The following HNRNPK variants were observed in gnomAD, a reference collection of about 807,000 sequenced individuals.
HNRNPK encodes the protein dC-stretch binding protein.
Under a neutral mutation model 67.0 loss-of-function variants are expected in HNRNPK, and 7 were observed. That is an observed-to-expected ratio of 0.10 (90% confidence interval 0.06 to 0.20). The LOEUF is 0.20. Ranked by LOEUF, HNRNPK falls within the 10% of genes least tolerant of loss-of-function variation. HNRNPK has a pLI of 1.00. For synonymous variants in HNRNPK, 213 were observed against 193.7 expected (o/e 1.10, Z -0.83); for missense variants, 264 against 606.5 (o/e 0.44, Z 5.93).
At chr9:83,969,665 G>A in intron 16 of HNRNPK, 1 of 611,368 alleles carries the variant, frequency 1.6e-6, no homozygotes, top group Non-Finnish European at 3.0e-6. Context: ...AAACGGAATT[G>A]AAAGTTGTTA....
chr9:83,978,880 T>TA (rs1339732142), intron 1 of HNRNPK, among the ~76,000 whole-genome samples: 58 of 152,344 alleles, frequency 3.8e-4, no homozygotes, highest in African/African-American at 1.1e-3. Flanking sequence ...GTGACATCTC[T>TA]AAAGTTTACA....
rs1295767969 is a variant in HNRNPK at position 83,974,722 on chromosome 9, A to G, written c.258-133T>C. 2.2e-5 allele frequency: 14 copies of G among 628,864 alleles called. No homozygotes were observed. The Admixed American group carries it at 3.7e-4, about 17-fold the overall frequency. 39.0% of individuals were successfully genotyped at this position (628,864 alleles called of 1,614,324 possible). A position where few individuals can be genotyped will look rare whatever the true frequency, so the allele number is the denominator to read the frequency against. ...TTATTTAATATTCCCCATTTAAAGT[A>G]GCCTATTTATAGATTTCTCACATGC... On this transcript the variant is annotated intron_variant, in intron 6 of 16. Transcript: ENST00000376263.
chr9:83,970,946 T>A (rs1454561021), intron 13 of HNRNPK, 34 bp from the exon 14 acceptor site: 1 of 1,603,180 alleles, frequency 6.2e-7, no homozygotes. Context: ...GAAAATTACT[T>A]TGCCGTTGTA....
At chr9:83,973,773 G>A in intron 8 of HNRNPK, 129 bp downstream of exon 8, 1 of 674,140 alleles carries the variant, frequency 1.5e-6, no homozygotes, top group Non-Finnish European at 2.6e-6. Context: ...TGAGTTGTAA[G>A]ACCATTCATG....
chr9:83,971,381 T>C (rs761745532), intron 12 of HNRNPK, 25 bp from the exon 13 acceptor site: 2 of 1,459,742 alleles, frequency 1.4e-6, no homozygotes, highest in Non-Finnish European at 1.9e-6. Context: ...AACATTAACA[T>C]GAACCCGCAT....
At chr9:83,970,873 G>GAC (rs1956799461) in intron 14 of HNRNPK, 24 bp downstream of exon 14, 2 of 1,610,820 alleles carry the variant, frequency 1.2e-6, no homozygotes, top group Non-Finnish European at 1.7e-6. Flanking sequence ...ATTAATGTTT[G>GAC]ACTTCACAAA....
In HNRNPK at chr9:83,972,825, A is replaced by C; in HGVS notation, c.645+19T>G. The C allele has an allele frequency of 6.4e-7, 1 of 1,563,194 alleles. No individual in the cohort carries two copies. The highest frequency in any genetic ancestry group is 1.2e-5 in the South Asian group (1 of 83,880). On this transcript the variant is annotated intron_variant, in intron 10 of 16. Coordinates refer to ENST00000376263, the MANE Select transcript of HNRNPK (RefSeq NM_031263.4). ...TTGTTTCATAAAATCAAATGTAAAC[A>C]AAAAGTGTTCTGAAGTACCTCAGAT...
chr9:83,974,588 T>C lies in HNRNPK; in HGVS notation c.259A>G (p.Ile87Val), dbSNP rs1382108326. ...TCAATATCAGCACTGATACTCAATA[T>C]GCTGTCAAACACCACAAATACCAGA... Reference protein sequence around the residue: ...SVPDSSGPERILSISADIETI... With the variant: ...SVPDSSGPERVLSISADIETI... Residue 87 changes from isoleucine (I) to valine (V), a missense_variant and splice_region_variant, in exon 7 of 17, where the codon ATA becomes GTA. Ile to Val is a conservative substitution (Grantham distance 29). This residue lies in a region of HNRNPK where 39 missense variants were observed against 54.4 expected (regional missense o/e 0.72). Coordinates refer to ENST00000376263, the MANE Select transcript of HNRNPK (RefSeq NM_031263.4). 1 of 1,600,256 alleles carries C rather than the reference T, an allele frequency of 6.2e-7. No individual in the cohort carries two copies. The highest frequency in any genetic ancestry group is 2.2e-5 in the East Asian group (1 of 44,738).
chr9:83,971,863 A>T lies in HNRNPK; in HGVS notation c.953+19T>A. Reference sequence around the variant, plus strand: ...AGATGGGGGAAGAAAAAACAACAACAACAAAAAAAACAACTTACCCCCCTC... The same window carrying T: ...AGATGGGGGAAGAAAAAACAACAACTACAAAAAAAACAACTTACCCCCCTC... On this transcript the variant is annotated intron_variant, in intron 11 of 16. Transcript: ENST00000376263. 1 of 1,554,974 alleles carries T rather than the reference A, an allele frequency of 6.4e-7. No homozygotes were observed. Among genetic ancestry groups the T allele is most frequent in the Non-Finnish European group, 8.7e-7 (1 of 1,153,018 alleles).
At chr9:83,974,058 A>G (rs1056643946) in intron 7 of HNRNPK, 85 bp from the exon 8 acceptor site, 2 of 764,126 alleles carry the variant, frequency 2.6e-6, no homozygotes, top group Non-Finnish European at 4.4e-6. Flanking sequence ...CTACTACAAC[A>G]TATTTTAAAT....
At chr9:83,971,034 C>G (rs955411944) in intron 13 of HNRNPK, 122 bp from the exon 14 acceptor site, 1 of 983,210 alleles carries the variant, frequency 1.0e-6, no homozygotes, top group Non-Finnish European at 1.6e-6. Flanking sequence ...CTCAAACTCT[C>G]GGGCTCAAGT....
At chr9:83,971,224 G>C in intron 13 of HNRNPK, 49 bp downstream of exon 13, 1 of 1,194,552 alleles carries the variant, frequency 8.4e-7, no homozygotes. Flanking sequence ...GAGCAGGTAA[G>C]CATCTTAAAT....
At chr9:83,974,423 T>C in intron 7 of HNRNPK, 94 bp downstream of exon 7, 1 of 604,942 alleles carries the variant, frequency 1.7e-6, no homozygotes, top group Non-Finnish European at 2.9e-6. Flanking sequence ...TCATATCCAT[T>C]GTCTCTCCAC....
intron 6 of HNRNPK, 97 bp from the exon 7 acceptor site, chr9:83,974,686 G>GT: frequency 2.7e-6 from 2 of 748,546 alleles, no homozygotes; most frequent in South Asian, 3.2e-5. Flanking sequence ...TCACAGAGAT[G>GT]TAACACATGA....
At position 83,971,355 on chromosome 9, in the gene HNRNPK, A is replaced by G; in HGVS notation, c.1010T>C (p.Val337Ala). 1 of 1,600,148 alleles carries G rather than the reference A, an allele frequency of 6.2e-7. No individual in the cohort carries two copies. The highest frequency in any genetic ancestry group is 8.6e-7 in the Non-Finnish European group (1 of 1,167,340). The change falls in exon 13 of 17, where the codon GTT (valine) becomes GCT (alanine). Residue 337 changes from valine to alanine, a missense_variant and splice_region_variant. Around this residue, in one of 6 missense-constraint regions of HNRNPK, gnomAD observed 142 missense variants for 256.5 expected, o/e 0.55. Transcript: ENST00000376263. ...CCAAGTTTCATCAGCACTGAAACCA[A>G]CCTGTTAGAGATAAAAACATTAACA... is the stretch of plus-strand genomic sequence containing the variant. Reference protein sequence around the residue: ...GRPGDRYDGMVGFSADETWDS... With the variant: ...GRPGDRYDGMAGFSADETWDS...
At chr9:83,976,744 G>C (rs1032959986) in intron 5 of HNRNPK, 1 of 349,572 alleles carries the variant, frequency 2.9e-6, no homozygotes, top group Non-Finnish European at 5.1e-6. Context: ...CTTGCTTGAT[G>C]AAGTGAATAA....
chr9:83,971,931 T>C lies in HNRNPK; in HGVS notation c.904A>G (p.Ser302Gly), dbSNP rs1329106171. The C allele has an allele frequency of 5.0e-6, 8 of 1,586,486 alleles. No homozygotes were observed. The highest frequency in any genetic ancestry group is 5.2e-6 in the Non-Finnish European group (6 of 1,164,208). ...PPPGRGGRGG[S>G]RARNLPLPPP... ...GGAAGAGGAAGATTCCGAGCTCTGC[T>C]ACCACCCCGGCCGCCTCGTCCGGGA... Residue 302 changes from serine to glycine, a missense_variant, in exon 11 of 17, where the codon AGC becomes GGC. By Grantham distance (56) the Ser-to-Gly change is moderately conservative (BLOSUM62 0). Coordinates refer to ENST00000376263, the MANE Select transcript of HNRNPK (RefSeq NM_031263.4).
chr9:83,977,881 T>G, intron 3 of HNRNPK, 95 bp from the exon 4 acceptor site: 1 of 790,202 alleles, frequency 1.3e-6, no homozygotes, highest in South Asian at 1.6e-5. Context: ...CTTAGGCATG[T>G]TTTGAAAAGA....
rs758182685 is a variant in HNRNPK, at chr9:83,972,852, T to A, written c.637A>T (p.Ile213Leu). The change falls in exon 10 of 17, where the codon ATA (isoleucine) becomes TTA (leucine). Residue 213 changes from isoleucine to leucine, a missense_variant. Physicochemically the swap from Ile to Leu is conservative, Grantham distance 5 (BLOSUM62 2). Transcript: ENST00000376263. ...AAAGTGTTCTGAAGTACCTCAGATA[T>A]AAGATCAAGGATGATCTTTATGCAC... ...VECIKIILDL[I>L]SESPIKGRAQ... 6.3e-7 allele frequency: 1 copy of A among 1,594,496 alleles called. No homozygotes were observed. The highest frequency in any genetic ancestry group is 1.8e-5 in the Admixed American group (1 of 55,740).
Sources: gnomAD v4.1 joint callset for allele counts (sites outside exome capture counted in the v4.1 genomes callset) on GRCh38, gnomAD v4.1.1 for gene constraint, gnomAD v4.1.1 regional missense constraint, MANE v1.5 for transcripts, NCBI Gene and HGNC (gene_info 2026-07-23, HGNC 2026-07-21) for gene names.